KNOP1: variants seen among roughly 807,000 people sequenced by gnomAD.
KNOP1 encodes the protein lysine-rich nucleolar protein 1.
A neutral mutation model predicts 30.6 loss-of-function variants in KNOP1; 20 were observed. The ratio of observed to expected loss-of-function variants is 0.65; its 90% CI spans 0.46 to 0.95. The LOEUF is 0.95. Ranked by LOEUF, KNOP1 falls within the 40% of genes least tolerant of loss-of-function variation. KNOP1 has a pLI of 0.00. For synonymous variants in KNOP1, 204 were observed against 210.0 expected (o/e 0.97, Z 0.25); for missense variants, 540 against 562.0 (o/e 0.96, Z 0.40).
chr16:19,706,840 T>C lies in KNOP1; in HGVS notation c.*70A>G, dbSNP rs898617844. 2 of 1,529,562 alleles carry C rather than the reference T, an allele frequency of 1.3e-6. No homozygotes were observed. Among genetic ancestry groups the C allele is most frequent in the African/African-American group, 1.4e-5 (1 of 71,394 alleles). The allele number at this position is 1,529,562 out of a possible 1,614,324, so 94.7% of individuals were successfully genotyped here. ...GATCTGATTTTTTCACAAAAAAAATTTGTAATCTCCAGCATAAATGGAATA... is the reference window on the plus strand; with the variant it reads ...GATCTGATTTTTTCACAAAAAAAATCTGTAATCTCCAGCATAAATGGAATA... On this transcript the variant is annotated 3_prime_UTR_variant, in exon 5 of 5. Coordinates refer to ENST00000219837, the MANE Select transcript of KNOP1 (RefSeq NM_001012991.3).
At position 19,714,711 on chromosome 16, in the gene KNOP1, A is replaced by G; in HGVS notation, c.325T>C (p.Phe109Leu). Residue 109 changes from phenylalanine (F) to leucine (L), a missense_variant, in exon 2 of 5, where the codon TTC becomes CTC. Phe to Leu is a conservative substitution (Grantham distance 22). Transcript: ENST00000219837. Reference sequence around the variant, plus strand: ...TTATTTTTCTTTTCCCCACTGAGGAACTCCAAGTGGCCAAACACCTGCTTC... The same window carrying G: ...TTATTTTTCTTTTCCCCACTGAGGAGCTCCAAGTGGCCAAACACCTGCTTC... ...LRKQVFGHLE[F>L]LSGEKKNKKS... 6.2e-7 allele frequency: 1 copy of G among 1,613,386 alleles called. No individual in the cohort carries two copies. The highest frequency in any genetic ancestry group is 1.1e-5 in the South Asian group (1 of 91,028).
At chr16:19,709,443 C>G (rs1300917884) in intron 4 of KNOP1, among the ~76,000 whole-genome samples, 1 of 152,232 alleles carries the variant, frequency 6.6e-6, no homozygotes, top group African/African-American at 2.4e-5. Context: ...CCACCATCCT[C>G]AGGCTGCGGC....
intron 1 of KNOP1, 73 bp downstream of exon 1, chr16:19,718,085 C>T (rs1977292047): frequency 7.0e-7 from 1 of 1,426,332 alleles, no homozygotes; most frequent in African/African-American, 1.5e-5. Flanking sequence ...CCCCATCTTC[C>T]CCGCCGCGCA....
In KNOP1 at chr16:19,702,559, T is replaced by C. The variant is rs1976205013; in HGVS notation, c.*4351A>G. 1 of 152,176 alleles carries C rather than the reference T, an allele frequency of 6.6e-6. No homozygotes were observed. The highest frequency in any genetic ancestry group is 1.5e-5 in the Non-Finnish European group (1 of 68,040). 9.4% of individuals were successfully genotyped at this position (152,176 alleles called of 1,614,324 possible). ...GTGGCCCAGGCAGAGGCTTAGATTT[T>C]ATATGTCCTTGTGTGTGCAGTTTCC... On this transcript the variant is annotated 3_prime_UTR_variant, in exon 5 of 5. Transcript: ENST00000219837.
intron 1 of KNOP1, 126 bp downstream of exon 1, chr16:19,718,032 C>T: frequency 7.2e-7 from 1 of 1,383,928 alleles, no homozygotes; most frequent in South Asian, 1.5e-5. Flanking sequence ...GGGCGCACAC[C>T]GACTGGAGGG....
Position 19,718,183 on chromosome 16 carries a change from A to C in KNOP1, c.-28T>G. On this transcript the variant is annotated 5_prime_UTR_variant, in exon 1 of 5. Transcript: ENST00000219837. ...CGGTGGGCGAAATTTCCCCGCCTCC[A>C]CGTGAGAGCCAGCTCCGCCGTGACC... 1 of 1,490,464 alleles carries C rather than the reference A, an allele frequency of 6.7e-7. No homozygotes were observed. 92.3% of individuals were successfully genotyped at this position (1,490,464 alleles called of 1,614,324 possible).
chr16:19,714,072 C>T, intron 2 of KNOP1, 46 bp downstream of exon 2: 1 of 1,543,144 alleles, frequency 6.5e-7, no homozygotes, highest in East Asian at 2.2e-5. Flanking sequence ...CCAAACCCCA[C>T]CCTTAATTCT....
rs1469579482 is a variant in KNOP1 at position 19,718,154 on chromosome 16, T to A, written c.-3+4A>T. ...GCCCGCCTGCAACGCGCCCTGGCAC[T>A]CACCGGTGGGCGAAATTTCCCCGCC... is the stretch of plus-strand genomic sequence containing the variant. On this transcript the variant is annotated splice_donor_region_variant and intron_variant, in intron 1 of 4. Coordinates refer to ENST00000219837, the MANE Select transcript of KNOP1 (RefSeq NM_001012991.3). 10 of 1,474,850 alleles carry A rather than the reference T, an allele frequency of 6.8e-6. No individual in the cohort carries two copies. Among genetic ancestry groups the A allele is most frequent in the Non-Finnish European group, 8.1e-6 (9 of 1,117,890 alleles). 91.4% of individuals were successfully genotyped at this position (1,474,850 alleles called of 1,614,324 possible). A position where few individuals can be genotyped will look rare whatever the true frequency, so the allele number is the denominator to read the frequency against.
Position 19,705,950 on chromosome 16 carries a change from CTT to C in KNOP1, c.*958_*959del, listed in dbSNP as rs1262004757. 3.3e-5 allele frequency: 5 copies of C among 152,288 alleles called. No individual in the cohort carries two copies. Among genetic ancestry groups the C allele is most frequent in the African/African-American group, 1.2e-4 (5 of 41,442 alleles). 9.4% of individuals were successfully genotyped at this position (152,288 alleles called of 1,614,324 possible). A position where few individuals can be genotyped will look rare whatever the true frequency, so the allele number is the denominator to read the frequency against. On this transcript the variant is annotated 3_prime_UTR_variant, in exon 5 of 5. Transcript: ENST00000219837. ...TGATTCATTTGCGGGACTAACCACT[CTT>C]CCTAAAATGCCTTGTTCAGAATCCA...
At chr16:19,709,036 G>A (rs1976571251) in intron 4 of KNOP1, among the ~76,000 whole-genome samples, 1 of 152,138 alleles carries the variant, frequency 6.6e-6, no homozygotes, top group Admixed American at 6.5e-5. Flanking sequence ...GAATCACACT[G>A]CCTTTTTTCT....
Position 19,702,501 on chromosome 16 carries a change from CATTAT to C in KNOP1, c.*4404_*4408del, listed in dbSNP as rs1976202695. Reference sequence around the variant, plus strand: ...GGACTTTCACATGAGGTCGGGCACCCATTATATCAAAGGTGCTTCTGAATCCTGTC... The same window carrying C: ...GGACTTTCACATGAGGTCGGGCACCCATCAAAGGTGCTTCTGAATCCTGTC... On this transcript the variant is annotated 3_prime_UTR_variant, in exon 5 of 5. Coordinates refer to ENST00000219837, the MANE Select transcript of KNOP1 (RefSeq NM_001012991.3). 6.6e-6 allele frequency: 1 copy of C among 152,160 alleles called. No homozygotes were observed. Among genetic ancestry groups the C allele is most frequent in the African/African-American group, 2.4e-5 (1 of 41,434 alleles). 9.4% of individuals were successfully genotyped at this position (152,160 alleles called of 1,614,324 possible).
In KNOP1 at chr16:19,712,754, C is replaced by T. The variant is rs1375184666; in HGVS notation, c.919-1314G>A. On this transcript the variant is annotated intron_variant, in intron 2 of 4. Transcript: ENST00000219837. ...GCCACACGGAAGGGCCGGACACTGTCTGGAGCAGGACACACACCCTGAAAC... is the reference window on the plus strand; with the variant it reads ...GCCACACGGAAGGGCCGGACACTGTTTGGAGCAGGACACACACCCTGAAAC... Among the ~76,000 whole-genome samples the T allele has an allele frequency of 2.6e-5, 4 of 152,248 alleles. No homozygotes were observed. In the East Asian group the frequency reaches 7.7e-4, roughly 29 times the overall value.
At position 19,706,799 on chromosome 16, in the gene KNOP1, T is replaced by C; in HGVS notation, c.*111A>G. 9.1e-7 allele frequency: 1 copy of C among 1,099,264 alleles called. No individual in the cohort carries two copies. Among genetic ancestry groups the C allele is most frequent in the South Asian group, 1.4e-5 (1 of 71,582 alleles). The allele number at this position is 1,099,264 out of a possible 1,614,324, so 68.1% of individuals were successfully genotyped here. ...ATGGGAGTTATTTATATCTTACTGC[T>C]CGAGGTCCTCACCAAGATCTGATTT... On this transcript the variant is annotated 3_prime_UTR_variant, in exon 5 of 5. Transcript: ENST00000219837.
At chr16:19,707,248 T>A (rs1222072927) in intron 4 of KNOP1, 27 bp from the exon 5 acceptor site, 3 of 1,597,506 alleles carry the variant, frequency 1.9e-6, no homozygotes, top group South Asian at 2.2e-5. Context: ...AAGGTGGCTA[T>A]TTTCCTTGAG....
chr16:19,711,345 G>T (rs765569587), intron 3 of KNOP1, 27 bp downstream of exon 3: 104 of 1,612,100 alleles, frequency 6.5e-5, no homozygotes, highest in Non-Finnish European at 8.7e-5. Flanking sequence ...GGCAGCGGGA[G>T]GGGCCTGAGG....
Position 19,714,345 on chromosome 16 carries a change from GC to G in KNOP1, c.690del (p.Lys230AsnfsTer29). On this transcript the variant is annotated frameshift_variant, in exon 2 of 5. Coordinates refer to ENST00000219837, the MANE Select transcript of KNOP1 (RefSeq NM_001012991.3). LOFTEE classifies it high-confidence loss of function. ...GGGCTGCTCTCCATGGACCTGGAGGGCTTGGAGTGGCCTGGGAGGGCATCTC... is the reference window on the plus strand; with the variant it reads ...GGGCTGCTCTCCATGGACCTGGAGGGTTGGAGTGGCCTGGGAGGGCATCTC... ...QEGDALPGHS[K>X]PSRSMESSPR... The G allele has an allele frequency of 6.2e-7, 1 of 1,613,962 alleles. No homozygotes were observed. Among genetic ancestry groups the G allele is most frequent in the Non-Finnish European group, 8.5e-7 (1 of 1,179,980 alleles).
Position 19,711,365 on chromosome 16 carries a change from G to C in KNOP1, c.987+7C>G. 6.2e-7 allele frequency: 1 copy of C among 1,613,768 alleles called. No individual in the cohort carries two copies. Among genetic ancestry groups the C allele is most frequent in the Non-Finnish European group, 8.5e-7 (1 of 1,179,892 alleles). On this transcript the variant is annotated splice_region_variant and intron_variant, in intron 3 of 4. Coordinates refer to ENST00000219837, the MANE Select transcript of KNOP1 (RefSeq NM_001012991.3). ...CGGGAGGGGCCTGAGGAGGGTCTGG[G>C]CTGTACCTGGTCTATGTGCGCCTCA...
At position 19,714,562 on chromosome 16, in the gene KNOP1, G is replaced by A. The variant is rs1203638391; in HGVS notation, c.474C>T (p.Ala158=). ...LKKHKKEKKG[A]QDPTAFSVQD... ...GGACCGAGAAGGCTGTGGGGTCCTG[G>A]GCCCCCTTTTTTTCCTTCTTGTGTT... Residue 158 remains alanine, a synonymous_variant, in exon 2 of 5, where the codon GCC becomes GCT. Coordinates refer to ENST00000219837, the MANE Select transcript of KNOP1 (RefSeq NM_001012991.3). The A allele has an allele frequency of 6.2e-7, 1 of 1,614,064 alleles. No individual in the cohort carries two copies. The highest frequency in any genetic ancestry group is 1.3e-5 in the African/African-American group (1 of 74,986).
chr16:19,711,727 G>A, intron 2 of KNOP1: 2 of 439,310 alleles, frequency 4.6e-6, no homozygotes, highest in Non-Finnish European at 8.4e-6. Flanking sequence ...AGGGACTGGT[G>A]ATTCTAACCC....
Sources: allele counts gnomAD v4.1 joint callset (sites outside exome capture counted in the v4.1 genomes callset), GRCh38; gene constraint gnomAD v4.1.1; transcripts MANE v1.5; gene names NCBI Gene and HGNC (gene_info 2026-07-23, HGNC 2026-07-21).